The following RNF220 variants were observed in gnomAD, a reference collection of about 807,000 sequenced individuals.
RNF220 encodes the protein ring finger protein 220, also known as E3 ubiquitin-protein ligase RNF220.
Under a neutral mutation model 67.1 loss-of-function variants are expected in RNF220, and 7 were observed. The observed-to-expected ratio is 0.10, with a 90% CI of 0.06 to 0.20. RNF220 has a LOEUF of 0.20. RNF220 is among the 10% of genes least tolerant of loss of function. RNF220 has a pLI of 1.00. For synonymous variants in RNF220, 270 were observed against 283.2 expected, an observed-to-expected ratio of 0.95 and a Z score of 0.47; for missense variants, 565 against 740.3, an observed-to-expected ratio of 0.76 and a Z score of 2.75.
intron 2 of RNF220, among the ~76,000 whole-genome samples, chr1:44,485,093 G>A (rs935057190): frequency 1.7e-4 from 26 of 152,198 alleles, no homozygotes; most frequent in Non-Finnish European, 7.3e-5. Context: ...CTGAGATCGT[G>A]CCACTGCACT....
intron 2 of RNF220, among the ~76,000 whole-genome samples, chr1:44,512,468 A>G (rs1162303674): frequency 6.6e-6 from 1 of 152,190 alleles, no homozygotes; most frequent in Non-Finnish European, 1.5e-5. Flanking sequence ...GGGAGGTGAC[A>G]CACTGGGGTG....
chr1:44,526,029 G>A lies in RNF220; in HGVS notation c.626-88136G>A, dbSNP rs1408097074. Among the ~76,000 whole-genome samples, 3 of 152,074 alleles carry A rather than the reference G, an allele frequency of 2.0e-5. No individual in the cohort carries two copies. In the East Asian group the frequency reaches 5.8e-4, roughly 29 times the overall value. ...CCCTCCTAGCTTCACTTTCTTTCCT[G>A]CCCGACCTTGACCCTTTGATCAACA... On this transcript the variant is annotated intron_variant, in intron 2 of 14. Coordinates refer to ENST00000361799, the MANE Select transcript of RNF220 (RefSeq NM_018150.4).
At chr1:44,627,059 A>T (rs984177514) in intron 5 of RNF220, 1 of 123,882 alleles carries the variant, frequency 8.1e-6, no homozygotes, top group Admixed American at 8.2e-5. Context: ...AAAAAAAAAA[A>T]AAAAAGGCTA....
At chr1:44,639,839 G>A (rs1287248283) in intron 8 of RNF220, among the ~76,000 whole-genome samples, 1 of 152,150 alleles carries the variant, frequency 6.6e-6, no homozygotes, top group East Asian at 1.9e-4. Flanking sequence ...CTGGAGGCTA[G>A]AGTGCAGTGG....
chr1:44,491,662 CT>C (rs559101799), intron 2 of RNF220, among the ~76,000 whole-genome samples: 501 of 144,452 alleles, frequency 3.5e-3, no homozygotes, highest in Middle Eastern at 3.6e-3. Context: ...GATGTCCACT[CT>C]TTTTTTTTTT....
At chr1:44,523,499 T>C (rs1281127414) in intron 2 of RNF220, among the ~76,000 whole-genome samples, 3 of 152,230 alleles carry the variant, frequency 2.0e-5, no homozygotes, top group Admixed American at 6.5e-5. Context: ...GCTTCCTGAA[T>C]GCCATCCCCT....
At chr1:44,432,352 C>T (rs981436562) in intron 2 of RNF220, among the ~76,000 whole-genome samples, 24 of 146,132 alleles carry the variant, frequency 1.6e-4, no homozygotes, top group African/African-American at 5.6e-4. Flanking sequence ...CTCACTGCAA[C>T]CTCCACCCCC....
At chr1:44,586,516 T>TCCA (rs1665707759) in intron 2 of RNF220, among the ~76,000 whole-genome samples, 1 of 151,962 alleles carries the variant, frequency 6.6e-6, no homozygotes, top group Non-Finnish European at 1.5e-5. Flanking sequence ...CCCAGGGAGC[T>TCCA]GCTGCGGATG....
intron 2 of RNF220, among the ~76,000 whole-genome samples, chr1:44,613,766 A>C (rs1324171180): frequency 1.3e-5 from 2 of 152,134 alleles, no homozygotes; most frequent in South Asian, 2.1e-4. Flanking sequence ...AATCCCAACT[A>C]CTCAGGAGGC....
chr1:44,411,062 A>G (rs985728278), intron 1 of RNF220, among the ~76,000 whole-genome samples: 4 of 152,248 alleles, frequency 2.6e-5, no homozygotes, highest in Non-Finnish European at 4.4e-5. Context: ...AAATTTTGTT[A>G]ACATTTTGTT....
In RNF220 at chr1:44,582,923, T is replaced by C. The variant is rs566838263; in HGVS notation, c.626-31242T>C. On this transcript the variant is annotated intron_variant, in intron 2 of 14. Transcript: ENST00000361799. ...CAGGAGGCTGAGACAGGAGAATCGC[T>C]TGAACCCGGGAGGTGGAGGTTGCAG... Among the ~76,000 whole-genome samples, 12 of 152,164 alleles carry C rather than the reference T, an allele frequency of 7.9e-5. No individual in the cohort carries two copies. The South Asian group carries it at 2.5e-3, about 32-fold the overall frequency.
intron 1 of RNF220, among the ~76,000 whole-genome samples, chr1:44,410,304 C>T (rs1309908746): frequency 6.6e-6 from 1 of 152,174 alleles, no homozygotes; most frequent in Non-Finnish European, 1.5e-5. Context: ...TCAGAGCGTC[C>T]ATGTTGTATG....
chr1:44,632,157 GC>G, intron 5 of RNF220, 185 bp from the exon 6 acceptor site: 6 of 1,549,682 alleles, frequency 3.9e-6, no homozygotes, highest in Non-Finnish European at 5.2e-6. Flanking sequence ...CGGCGGCTAT[GC>G]CGAGAGCCCG....
intron 2 of RNF220, among the ~76,000 whole-genome samples, chr1:44,526,902 T>C (rs1179602103): frequency 6.6e-6 from 1 of 152,156 alleles, no homozygotes; most frequent in Non-Finnish European, 1.5e-5. Context: ...AAAGCCGCTC[T>C]TCCCTTAGCT....
chr1:44,456,480 A>C (rs1653192497), intron 2 of RNF220, among the ~76,000 whole-genome samples: 1 of 152,204 alleles, frequency 6.6e-6, no homozygotes, highest in African/African-American at 2.4e-5. Context: ...AAAAAGTTGC[A>C]CTATTTAAGA....
chr1:44,634,608 T>C (rs1006992409), intron 6 of RNF220, among the ~76,000 whole-genome samples: 1 of 152,230 alleles, frequency 6.6e-6, no homozygotes, highest in African/African-American at 2.4e-5. Flanking sequence ...AGTAGCCATC[T>C]CTGATCCTGC....
chr1:44,465,184 C>CTGT (rs906443825), intron 2 of RNF220, among the ~76,000 whole-genome samples: 5 of 152,168 alleles, frequency 3.3e-5, no homozygotes, highest in African/African-American at 1.2e-4. Context: ...TTAGTCACAG[C>CTGT]TGTGTTGCTG....
In RNF220 at chr1:44,417,688, C is replaced by G; in HGVS notation, c.625+4966C>G. Reference sequence around the variant, plus strand: ...CAGAAGTGATCCGGGCTGCCGTTTTCTCGCGGCCGCCCGCCAGCCCCTCGC... The same window carrying G: ...CAGAAGTGATCCGGGCTGCCGTTTTGTCGCGGCCGCCCGCCAGCCCCTCGC... On this transcript the variant is annotated intron_variant, in intron 2 of 14. Coordinates refer to ENST00000361799, the MANE Select transcript of RNF220 (RefSeq NM_018150.4). This position sits in a 1 kb window ranked among gnomAD's most constrained non-coding sequence, Gnocchi z 4.0. 6.6e-6 allele frequency among the ~76,000 whole-genome samples: 1 copy of G among 152,170 alleles called. No homozygotes were observed. The highest frequency in any genetic ancestry group is 1.9e-4 in the East Asian group (1 of 5,178).
chr1:44,422,300 G>T (rs1037144432), intron 2 of RNF220, among the ~76,000 whole-genome samples: 4 of 152,068 alleles, frequency 2.6e-5, no homozygotes, highest in Admixed American at 1.3e-4. Context: ...TGCAGTTAGG[G>T]CCTAGGCTTC....
Sources: gnomAD v4.1 joint callset for allele counts (sites outside exome capture counted in the v4.1 genomes callset) on GRCh38, gnomAD v4.1.1 for gene constraint, Gnocchi (gnomAD v3.1) non-coding constraint, MANE v1.5 for transcripts, NCBI Gene and HGNC (gene_info 2026-07-23, HGNC 2026-07-21) for gene names.